ZBTB16: variants seen among roughly 807,000 people sequenced by gnomAD.
ZBTB16 encodes the protein zinc finger and BTB domain containing 16, also known as zinc finger and BTB domain-containing protein 16.
ZBTB16 carries 8 observed loss-of-function variants against 56.8 expected under a neutral mutation model. The observed-to-expected ratio is 0.14, with a 90% CI of 0.08 to 0.25. ZBTB16 has a LOEUF of 0.25. ZBTB16 is among the 10% of genes least tolerant of loss of function. The pLI is 1.00. For missense variants in ZBTB16, 625 were observed against 903.0 expected, an observed-to-expected ratio of 0.69 and a Z score of 3.95; for synonymous variants, 363 against 368.5, an observed-to-expected ratio of 0.98 and a Z score of 0.17.
chr11:114,096,209 G>A (rs1377001556), intron 2 of ZBTB16, among the ~76,000 whole-genome samples: 7 of 152,132 alleles, frequency 4.6e-5, no homozygotes, highest in East Asian at 1.9e-4. Flanking sequence ...CTTGTCGCTC[G>A]TTTTTATCTC....
intron 4 of ZBTB16, among the ~76,000 whole-genome samples, chr11:114,229,154 C>G (rs111394344): frequency 1.3e-5 from 2 of 152,178 alleles, no homozygotes; most frequent in Non-Finnish European, 2.9e-5. Context: ...AATTTAATTG[C>G]GAGTGGCCTG....
intron 4 of ZBTB16, among the ~76,000 whole-genome samples, chr11:114,229,578 G>A (rs1253638347): frequency 1.3e-5 from 2 of 152,144 alleles, no homozygotes; most frequent in African/African-American, 2.4e-5. Context: ...TGTGATTTCT[G>A]TCTCCTTCTC....
rs200118587 is a variant in ZBTB16, at chr11:114,063,353, C to T, written c.53C>T (p.Thr18Met). 441 of 1,614,146 alleles carry T rather than the reference C, an allele frequency of 2.7e-4. 1 individual carries two copies. Among genetic ancestry groups the T allele is most frequent in the Non-Finnish European group, 3.3e-4 (391 of 1,180,042 alleles). The change falls in exon 2 of 7, where the codon ACG becomes ATG. Residue 18 changes from threonine to methionine, a missense_variant. Coordinates refer to ENST00000335953, the MANE Select transcript of ZBTB16 (RefSeq NM_006006.6). This position sits in a 1 kb window ranked among gnomAD's most constrained non-coding sequence, Gnocchi z 6.5. ...MIQLQNPSHP[T>M]GLLCKANQMR... ...CAGCTGCAGAACCCTAGCCACCCCA[C>T]GGGGCTACTGTGCAAGGCCAACCAG...
chr11:114,230,349 C>T (rs927996922), intron 4 of ZBTB16, among the ~76,000 whole-genome samples: 11 of 152,162 alleles, frequency 7.2e-5, no homozygotes, highest in Admixed American at 6.5e-4. Context: ...ATGAGCTCGA[C>T]CTGCCCTGCC....
chr11:114,165,195 G>A (rs1942712701), intron 3 of ZBTB16, among the ~76,000 whole-genome samples: 1 of 152,168 alleles, frequency 6.6e-6, no homozygotes, highest in South Asian at 2.1e-4. Context: ...CAGAGGGGAG[G>A]ACTCTTGAGC....
chr11:114,127,717 A>C (rs1411503786), intron 2 of ZBTB16, among the ~76,000 whole-genome samples: 1 of 152,176 alleles, frequency 6.6e-6, no homozygotes, highest in Non-Finnish European at 1.5e-5. Flanking sequence ...AGAAGAACTC[A>C]GAAAGGGGCC....
At chr11:114,161,008 T>C (rs1307705143) in intron 3 of ZBTB16, among the ~76,000 whole-genome samples, 1 of 152,174 alleles carries the variant, frequency 6.6e-6, no homozygotes, top group African/African-American at 2.4e-5. Context: ...ACCTCCCTCC[T>C]CACCCTCTGC....
chr11:114,153,249 G>A (rs1942320737), intron 2 of ZBTB16, among the ~76,000 whole-genome samples: 1 of 152,214 alleles, frequency 6.6e-6, no homozygotes, highest in South Asian at 2.1e-4. Context: ...GCTGGGCTCT[G>A]TTGAACTCCC....
intron 4 of ZBTB16, among the ~76,000 whole-genome samples, chr11:114,193,776 A>T (rs941573172): frequency 6.6e-6 from 1 of 152,152 alleles, no homozygotes; most frequent in Non-Finnish European, 1.5e-5. Flanking sequence ...AGAGCTCTGA[A>T]AAAGAGAAGG....
At chr11:114,067,900 CT>C (rs1209775134) in intron 2 of ZBTB16, among the ~76,000 whole-genome samples, 6 of 151,880 alleles carry the variant, frequency 4.0e-5, no homozygotes, top group Non-Finnish European at 7.4e-5. Context: ...TTGTAGAAGG[CT>C]TTTTTTCTCC....
At chr11:114,204,615 C>T (rs1943813818) in intron 4 of ZBTB16, among the ~76,000 whole-genome samples, 1 of 152,138 alleles carries the variant, frequency 6.6e-6, no homozygotes, top group South Asian at 2.1e-4. Context: ...CTTACTTGTG[C>T]ACCAGGGACC....
intron 2 of ZBTB16, among the ~76,000 whole-genome samples, chr11:114,072,720 G>A (rs902149036): frequency 1.3e-5 from 2 of 152,130 alleles, no homozygotes; most frequent in Admixed American, 6.5e-5. Flanking sequence ...TCAGATGGGC[G>A]GAGAGAAGCC....
At chr11:114,181,510 A>C (rs777856826) in intron 3 of ZBTB16, among the ~76,000 whole-genome samples, 16 of 152,160 alleles carry the variant, frequency 1.1e-4, no homozygotes, top group Non-Finnish European at 1.9e-4. Context: ...CTATCCACAG[A>C]ATGTTTTGTG....
At chr11:114,081,510 C>G (rs1333746821) in intron 2 of ZBTB16, among the ~76,000 whole-genome samples, 1 of 151,962 alleles carries the variant, frequency 6.6e-6, no homozygotes, top group Non-Finnish European at 1.5e-5. Context: ...ATTTTAAAAC[C>G]TTGTTGAGCA....
chr11:114,232,182 C>T (rs1028984691), intron 4 of ZBTB16, among the ~76,000 whole-genome samples: 3 of 152,104 alleles, frequency 2.0e-5, no homozygotes, highest in African/African-American at 7.2e-5. Flanking sequence ...CCAAGGGACC[C>T]ATATTTCTTG....
At chr11:114,204,012 C>T (rs1039150342) in intron 4 of ZBTB16, among the ~76,000 whole-genome samples, 1 of 152,196 alleles carries the variant, frequency 6.6e-6, no homozygotes, top group East Asian at 1.9e-4. Context: ...TGGGAGGAGT[C>T]ACTCTTGTCA....
intron 4 of ZBTB16, among the ~76,000 whole-genome samples, chr11:114,200,149 G>GAA (rs75999531): frequency 4.0e-5 from 6 of 148,522 alleles, no homozygotes; most frequent in African/African-American, 7.4e-5. Flanking sequence ...AAGAAAAAAA[G>GAA]AAAAAAAAAA....
rs548423291 is a variant in ZBTB16, at chr11:114,102,333, G to A, written c.1268+37765G>A. On this transcript the variant is annotated intron_variant, in intron 2 of 6. Coordinates refer to ENST00000335953, the MANE Select transcript of ZBTB16 (RefSeq NM_006006.6). ...GGGTTTAAATCTCACTGGGGGTTGA[G>A]GCTGCTGAACTGCTATTCCTAACAT... Among the ~76,000 whole-genome samples the A allele has an allele frequency of 2.0e-5, 3 of 152,136 alleles. No individual in the cohort carries two copies. The South Asian group carries it at 6.2e-4, about 31-fold the overall frequency.
chr11:114,224,517 G>A (rs1256824625), intron 4 of ZBTB16, among the ~76,000 whole-genome samples: 3 of 152,172 alleles, frequency 2.0e-5, no homozygotes, highest in Non-Finnish European at 2.9e-5. Context: ...GTATACAGAC[G>A]TATCTGGAAT....
Sources: allele counts gnomAD v4.1 joint callset (sites outside exome capture counted in the v4.1 genomes callset), GRCh38; gene constraint gnomAD v4.1.1; non-coding constraint Gnocchi (gnomAD v3.1); transcripts MANE v1.5; gene names NCBI Gene and HGNC (gene_info 2026-07-23, HGNC 2026-07-21).